The following BSN variants were observed in gnomAD, a reference collection of about 807,000 sequenced individuals.
The protein encoded by BSN is protein bassoon.
BSN carries 57 observed loss-of-function variants against 264.8 expected under a neutral mutation model. The ratio of observed to expected loss-of-function variants is 0.22; its 90% CI spans 0.17 to 0.27. The LOEUF is 0.27. Ranked by LOEUF, BSN falls within the 10% of genes least tolerant of loss-of-function variation. The pLI, the probability that BSN is intolerant of heterozygous loss-of-function variation, is 1.00. For missense variants in BSN, 4,615 were observed against 5,232.5 expected (o/e 0.88, Z 3.64); for synonymous variants, 2,059 against 2,137.3 (o/e 0.96, Z 1.01).
chr3:49,580,606 G>A (rs2051889254), intron 1 of BSN, among the ~76,000 whole-genome samples: 1 of 151,870 alleles, frequency 6.6e-6, no homozygotes, highest in Non-Finnish European at 1.5e-5. Flanking sequence ...CTACAGTCAT[G>A]CACCACCATG....
intron 2 of BSN, among the ~76,000 whole-genome samples, chr3:49,633,119 T>C (rs2052393709): frequency 6.6e-6 from 1 of 151,766 alleles, no homozygotes; most frequent in Non-Finnish European, 1.5e-5. Flanking sequence ...CTGGCCAACA[T>C]GGAGAAACTC....
intron 1 of BSN, among the ~76,000 whole-genome samples, chr3:49,584,547 A>T (rs749637547): frequency 6.6e-6 from 1 of 152,042 alleles, no homozygotes. Flanking sequence ...AGATGTTTTG[A>T]TACAGGCATG....
At position 49,625,176 on chromosome 3, in the gene BSN, C is replaced by T. The variant is rs202102094; in HGVS notation, c.426C>T (p.Pro142=). 2.0e-5 allele frequency: 31 copies of T among 1,568,440 alleles called. No homozygotes were observed. The highest frequency in any genetic ancestry group is 4.3e-6 in the Non-Finnish European group (5 of 1,155,098). ...DSRTQRSGRS[P]SVSPDRGSTP... is the part of the protein sequence containing the mutation. ...GGACACAGAGATCAGGGCGGTCCCC[C>T]TCAGTGTCACCGGACAGAGGCAGCA... Residue 142 remains proline, a synonymous_variant, in exon 2 of 12, where the codon CCC becomes CCT. Coordinates refer to ENST00000296452, the MANE Select transcript of BSN (RefSeq NM_003458.4). This position sits in a 1 kb window ranked among gnomAD's most constrained non-coding sequence, Gnocchi z 4.4.
rs140240631 is a variant in BSN, at chr3:49,661,183, G to A, written c.9338G>A (p.Arg3113His). ...GGCCTGCCAAACCAGCAGGCTTTCC[G>A]CCCCACAGGCCACTATGCAGGCCAA... ...EPGLPNQQAF[R>H]PTGHYAGQTP... The change falls in exon 6 of 12, where the codon CGC (arginine) becomes CAC (histidine). Residue 3113 changes from arginine (R) to histidine (H), a missense_variant. Physicochemically the swap from Arg to His is conservative, Grantham distance 29 (BLOSUM62 0). Transcript: ENST00000296452. 9.9e-6 allele frequency: 16 copies of A among 1,613,228 alleles called. No individual in the cohort carries two copies. In the African/African-American group the frequency reaches 1.2e-4, roughly 12 times the overall value.
intron 11 of BSN, 113 bp from the exon 12 acceptor site, chr3:49,667,477 G>A (rs2052720793): frequency 6.6e-6 from 1 of 152,652 alleles, no homozygotes; most frequent in South Asian, 2.1e-4. Flanking sequence ...GTGGCCGCTA[G>A]CACAGGCAGA....
In BSN at chr3:49,639,487, G is replaced by C. The variant is rs114922254; in HGVS notation, c.634-2781G>C. On this transcript the variant is annotated intron_variant, in intron 2 of 11. Transcript: ENST00000296452. Reference sequence around the variant, plus strand: ...TGCTGGGATTACAGGCGTGAGCCACGGTGCACGGCCTGCCTTGCTTCTTAA... The same window carrying C: ...TGCTGGGATTACAGGCGTGAGCCACCGTGCACGGCCTGCCTTGCTTCTTAA... 7.4e-3 allele frequency among the ~76,000 whole-genome samples: 1,129 copies of C among 152,202 alleles called. 4 individuals are homozygous for C. The highest frequency in any genetic ancestry group is 0.011 in the Non-Finnish European group (748 of 67,990).
intron 1 of BSN, among the ~76,000 whole-genome samples, chr3:49,567,664 G>A (rs2051762835): frequency 6.6e-6 from 1 of 152,190 alleles, no homozygotes; most frequent in Non-Finnish European, 1.5e-5. Flanking sequence ...GCAATTCATG[G>A]TTAAGCCCAA....
At chr3:49,665,713 C>T (rs2052708354) in intron 11 of BSN, among the ~76,000 whole-genome samples, 2 of 152,210 alleles carry the variant, frequency 1.3e-5, no homozygotes, top group South Asian at 4.1e-4. Flanking sequence ...GTCCCCAAAC[C>T]CCACAGAGTC....
chr3:49,591,365 TATG>T (rs2051975791), intron 1 of BSN, among the ~76,000 whole-genome samples: 2 of 152,200 alleles, frequency 1.3e-5, no homozygotes, highest in Admixed American at 1.3e-4. Flanking sequence ...AATATGCAAT[TATG>T]CTTTCTTTTG....
chr3:49,561,846 C>T (rs1274531924), intron 1 of BSN, among the ~76,000 whole-genome samples: 2 of 151,880 alleles, frequency 1.3e-5, no homozygotes, highest in Non-Finnish European at 1.5e-5. Flanking sequence ...CTCACTCTGT[C>T]GCCCAGGCTG....
chr3:49,658,742 C>T (rs561948905), intron 5 of BSN, among the ~76,000 whole-genome samples: 1 of 152,296 alleles, frequency 6.6e-6, no homozygotes, highest in Non-Finnish European at 1.5e-5. Context: ...GTTCTCTGCC[C>T]CTACCTGGCC....
chr3:49,641,907 A>T, intron 2 of BSN: 1 of 219,724 alleles, frequency 4.6e-6, no homozygotes, highest in East Asian at 9.2e-5. Flanking sequence ...AGTGGGAAGC[A>T]GGGGAAGGCT....
chr3:49,644,649 G>A (rs577936085), intron 3 of BSN, among the ~76,000 whole-genome samples: 12 of 152,318 alleles, frequency 7.9e-5, no homozygotes, highest in African/African-American at 2.4e-4. Context: ...CTAGCTGGCT[G>A]CTCTGCCCAG....
rs2051646274 is a variant in BSN, at chr3:49,554,525, C to T, written c.-78C>T. 1 of 465,122 alleles carries T rather than the reference C, an allele frequency of 2.1e-6. No homozygotes were observed. The highest frequency in any genetic ancestry group is 2.8e-6 in the Non-Finnish European group (1 of 354,928). 28.8% of individuals were successfully genotyped at this position (465,122 alleles called of 1,614,324 possible). On this transcript the variant is annotated 5_prime_UTR_variant, in exon 1 of 12. Coordinates refer to ENST00000296452, the MANE Select transcript of BSN (RefSeq NM_003458.4). ...GGAGATGGCGGCGGCAGCGGCGGCG[C>T]CGAGAGTGTGAGCACCGCCCGGGAG... is the stretch of plus-strand genomic sequence containing the variant.
chr3:49,610,402 G>T (rs2052196520), intron 1 of BSN, among the ~76,000 whole-genome samples: 1 of 151,904 alleles, frequency 6.6e-6, no homozygotes, highest in Non-Finnish European at 1.5e-5. Flanking sequence ...GGCCAACATG[G>T]CAAAACCCCA....
Position 49,668,578 on chromosome 3 carries a change from C to T in BSN, c.*1093C>T, listed in dbSNP as rs931249641. 5.2e-5 allele frequency: 8 copies of T among 152,650 alleles called. No homozygotes were observed. Among genetic ancestry groups the T allele is most frequent in the African/African-American group, 1.4e-4 (6 of 41,436 alleles). The allele number at this position is 152,650 out of a possible 1,614,324, so 9.5% of individuals were successfully genotyped here. ...GGGCAGCAGGCCACCAAGAGCACAA[C>T]CCCAGGGCGAGGTCTGGGGAGGCCT... On this transcript the variant is annotated 3_prime_UTR_variant, in exon 12 of 12. Transcript: ENST00000296452.
chr3:49,654,085 G>A lies in BSN; in HGVS notation c.4529G>A (p.Ser1510Asn). The A allele has an allele frequency of 2.5e-6, 4 of 1,613,960 alleles. No individual in the cohort carries two copies. The South Asian group carries it at 4.4e-5, about 18-fold the overall frequency. ...ATAEFSTQTP[S>N]PAPASDMPRS... Reference sequence around the variant, plus strand: ...GCAGAGTTCTCTACACAGACGCCAAGTCCAGCCCCTGCCTCAGACATGCCA... The same window carrying A: ...GCAGAGTTCTCTACACAGACGCCAAATCCAGCCCCTGCCTCAGACATGCCA... The change falls in exon 5 of 12, where the codon AGT becomes AAT. Residue 1510 changes from serine to asparagine, a missense_variant. Physicochemically the swap from Ser to Asn is conservative, Grantham distance 46. This residue lies in a region of BSN where 3,415 missense variants were observed against 3,866.4 expected (regional missense o/e 0.88). Coordinates refer to ENST00000296452, the MANE Select transcript of BSN (RefSeq NM_003458.4). This position sits in a 1 kb window ranked among gnomAD's most constrained non-coding sequence, Gnocchi z 4.1.
chr3:49,628,202 T>C (rs1220376158), intron 2 of BSN, among the ~76,000 whole-genome samples: 1 of 152,320 alleles, frequency 6.6e-6, no homozygotes, highest in East Asian at 1.9e-4. Flanking sequence ...GTGTCACTAA[T>C]AGAGACTTAC....
chr3:49,561,222 C>T (rs150068408), intron 1 of BSN, among the ~76,000 whole-genome samples: 6 of 152,278 alleles, frequency 3.9e-5, no homozygotes, highest in Non-Finnish European at 5.9e-5. Flanking sequence ...TCAGGGCCAA[C>T]GGTGAAGAAG....
Sources: gnomAD v4.1 joint callset for allele counts (sites outside exome capture counted in the v4.1 genomes callset) on GRCh38, gnomAD v4.1.1 for gene constraint, gnomAD v4.1.1 regional missense constraint, Gnocchi (gnomAD v3.1) non-coding constraint, MANE v1.5 for transcripts, NCBI Gene and HGNC (gene_info 2026-07-23, HGNC 2026-07-21) for gene names.